CEP112: variants seen among roughly 807,000 people sequenced by gnomAD.
CEP112 encodes the protein centrosomal protein of 112 kDa.
CEP112 carries 127 observed loss-of-function variants against 153.0 expected under a neutral mutation model. The observed-to-expected ratio is 0.83, with a 90% CI of 0.72 to 0.96. The LOEUF is 0.96. CEP112 is among the 40% of genes least tolerant of loss of function. The pLI, the probability that CEP112 is intolerant of heterozygous loss-of-function variation, is 0.00. For synonymous variants in CEP112, 358 were observed against 374.4 expected, an observed-to-expected ratio of 0.96 and a Z score of 0.51; for missense variants, 1,089 against 1,101.2, an observed-to-expected ratio of 0.99 and a Z score of 0.16.
At chr17:66,027,712 G>A (rs2065276919) in intron 15 of CEP112, 152 bp from the exon 16 acceptor site, 1 of 526,558 alleles carries the variant, frequency 1.9e-6, no homozygotes, top group Non-Finnish European at 2.9e-6. Flanking sequence ...GTAGAAATTG[G>A]AGTAGCTTTG....
At chr17:65,971,568 T>C (rs1320636699) in intron 17 of CEP112, among the ~76,000 whole-genome samples, 1 of 152,224 alleles carries the variant, frequency 6.6e-6, no homozygotes, top group Admixed American at 6.5e-5. Context: ...GTGTGTTGTA[T>C]GTATATGGCA....
Position 66,175,156 on chromosome 17 carries a change from G to C in CEP112, c.358C>G (p.Pro120Ala). ...RAKGSSPEGLPAWVLGELETS... is the reference protein window; with the variant it reads ...RAKGSSPEGLAAWVLGELETS... Reference sequence around the variant, plus strand: ...TCCAGCTCACCCAGTACCCAGGCTGGTAATCCCTCTGGGCTTGAACCTTTT... The same window carrying C: ...TCCAGCTCACCCAGTACCCAGGCTGCTAATCCCTCTGGGCTTGAACCTTTT... The change falls in exon 4 of 27, where the codon CCA becomes GCA. Residue 120 changes from proline to alanine, a missense_variant. By Grantham distance (27) the Pro-to-Ala change is conservative. Coordinates refer to ENST00000535342, the MANE Select transcript of CEP112 (RefSeq NM_001199165.4). The C allele has an allele frequency of 6.2e-7, 1 of 1,613,154 alleles. No individual in the cohort carries two copies. The highest frequency in any genetic ancestry group is 8.5e-7 in the Non-Finnish European group (1 of 1,179,558).
Position 66,069,968 on chromosome 17 carries a change from AT to A in CEP112, c.801del (p.Lys267AsnfsTer21). The A allele has an allele frequency of 6.2e-7, 1 of 1,607,618 alleles. No individual in the cohort carries two copies. Among genetic ancestry groups the A allele is most frequent in the Non-Finnish European group, 8.5e-7 (1 of 1,176,192 alleles). Reference sequence around the variant, plus strand: ...TGCAGTTTAAGCTTTTCTTCATGAAATTTAGCTTCCATCATTTTTGTTTTCA... The same window carrying A: ...TGCAGTTTAAGCTTTTCTTCATGAAATTAGCTTCCATCATTTTTGTTTTCA... Reference protein sequence around the residue: ...LDMKTKMMEAKFHEEKLKLQQ... With the variant: ...LDMKTKMMEAXFHEEKLKLQQ... On this transcript the variant is annotated frameshift_variant, in exon 9 of 27. Coordinates refer to ENST00000535342, the MANE Select transcript of CEP112 (RefSeq NM_001199165.4). LOFTEE classifies it high-confidence loss of function.
intron 22 of CEP112, among the ~76,000 whole-genome samples, chr17:65,747,805 T>G (rs878873793): frequency 6.6e-6 from 1 of 152,166 alleles, no homozygotes; most frequent in East Asian, 1.9e-4. Context: ...ACACGGTCTA[T>G]TAGGTCCTAC....
At chr17:66,085,434 G>T (rs1327959649) in intron 8 of CEP112, among the ~76,000 whole-genome samples, 2 of 152,082 alleles carry the variant, frequency 1.3e-5, no homozygotes, top group African/African-American at 4.8e-5. Flanking sequence ...GCCATCCTGT[G>T]ACTGAGCCAT....
chr17:65,948,743 T>G (rs2061724935), intron 18 of CEP112, among the ~76,000 whole-genome samples: 1 of 152,162 alleles, frequency 6.6e-6, no homozygotes, highest in African/African-American at 2.4e-5. Context: ...AGATAAATGT[T>G]CTTCAAAGCG....
chr17:65,753,060 G>A (rs2051988539), intron 21 of CEP112, among the ~76,000 whole-genome samples: 1 of 152,098 alleles, frequency 6.6e-6, no homozygotes, highest in Non-Finnish European at 1.5e-5. Flanking sequence ...CTTTCATTTT[G>A]ATGGGACTTC....
At chr17:66,106,186 T>G (rs757637672) in intron 6 of CEP112, among the ~76,000 whole-genome samples, 2 of 151,944 alleles carry the variant, frequency 1.3e-5, no homozygotes, top group Admixed American at 6.6e-5. Flanking sequence ...TAGCAAGAAT[T>G]ATCAATATGA....
chr17:65,716,184 C>G (rs2049501948), intron 23 of CEP112, among the ~76,000 whole-genome samples: 1 of 151,604 alleles, frequency 6.6e-6, no homozygotes, highest in Non-Finnish European at 1.5e-5. Context: ...TGAGACAGAG[C>G]CTCGCTCTGT....
intron 18 of CEP112, among the ~76,000 whole-genome samples, chr17:65,940,948 C>T (rs866833154): frequency 6.5e-4 from 99 of 152,224 alleles, no homozygotes; most frequent in African/African-American, 2.3e-3. Context: ...TAATCATCTA[C>T]ATTGTGTGCA....
At chr17:66,122,366 A>T (rs562839400) in intron 6 of CEP112, among the ~76,000 whole-genome samples, 2 of 151,978 alleles carry the variant, frequency 1.3e-5, no homozygotes, top group Non-Finnish European at 2.9e-5. Flanking sequence ...ATGTCTTATA[A>T]TTTTTTTTCT....
At chr17:65,970,542 T>C (rs1215969448) in intron 17 of CEP112, among the ~76,000 whole-genome samples, 1 of 152,008 alleles carries the variant, frequency 6.6e-6, no homozygotes, top group Admixed American at 6.5e-5. Context: ...AACACATGAA[T>C]ATTACATGAA....
At chr17:66,058,349 G>A (rs2066787167) in intron 11 of CEP112, among the ~76,000 whole-genome samples, 1 of 151,928 alleles carries the variant, frequency 6.6e-6, no homozygotes, top group South Asian at 2.1e-4. Context: ...CAAATTTATA[G>A]AAAAGATAAA....
At chr17:65,662,577 T>G (rs1266454156) in intron 24 of CEP112, among the ~76,000 whole-genome samples, 1 of 152,218 alleles carries the variant, frequency 6.6e-6, no homozygotes, top group East Asian at 1.9e-4. Context: ...AATCATATTC[T>G]GATGATGTCT....
chr17:65,847,281 G>A (rs2146271714), intron 21 of CEP112, among the ~76,000 whole-genome samples: 1 of 152,212 alleles, frequency 6.6e-6, no homozygotes, highest in East Asian at 1.9e-4. Flanking sequence ...CTTCAATCCA[G>A]GAGCATTCCA....
At chr17:66,078,485 T>C (rs148013956) in intron 8 of CEP112, among the ~76,000 whole-genome samples, 4 of 152,100 alleles carry the variant, frequency 2.6e-5, no homozygotes, top group Non-Finnish European at 4.4e-5. Flanking sequence ...CTTGAACTCC[T>C]GACCTCATGA....
chr17:65,689,613 T>C (rs184010507), intron 23 of CEP112, among the ~76,000 whole-genome samples: 49 of 152,334 alleles, frequency 3.2e-4, no homozygotes, highest in Admixed American at 2.6e-3. Flanking sequence ...GGAATTGTAA[T>C]ATCTGACCAG....
chr17:65,920,359 C>CAAACAAAAAAAAAAAAA (rs1178505560), intron 19 of CEP112, among the ~76,000 whole-genome samples: 1 of 29,830 alleles, frequency 3.4e-5, no homozygotes, highest in African/African-American at 1.3e-4. Flanking sequence ...AACAAACAAA[C>CAAACAAAAAAAAAAAAA]AAAATATATA....
intron 20 of CEP112, among the ~76,000 whole-genome samples, chr17:65,870,126 T>C (rs1045129994): frequency 7.1e-6 from 1 of 140,170 alleles, no homozygotes; most frequent in Non-Finnish European, 1.6e-5. Context: ...GCAATCAGTG[T>C]ATGTGCTTAT....
Sources: allele counts gnomAD v4.1 joint callset (sites outside exome capture counted in the v4.1 genomes callset), GRCh38; gene constraint gnomAD v4.1.1; transcripts MANE v1.5; gene names NCBI Gene and HGNC (gene_info 2026-07-23, HGNC 2026-07-21).